The following UTS2 variants were observed in gnomAD, a reference collection of about 807,000 sequenced individuals.
UTS2 encodes urotensin-2.
Under a neutral mutation model 12.6 loss-of-function variants are expected in UTS2, and 10 were observed. The observed-to-expected ratio is 0.80, with a 90% confidence interval of 0.49 to 1.35. The LOEUF is 1.35. Ranked by LOEUF, UTS2 falls within the 40% of genes most tolerant of loss-of-function variation. The probability of loss-of-function intolerance (pLI) is 0.00; values close to 1 mark genes in which losing one functional copy is unlikely to be tolerated. For missense variants in UTS2, 142 were observed against 143.2 expected, an observed-to-expected ratio of 0.99 and a Z score of 0.04; for synonymous variants, 52 against 50.0, an observed-to-expected ratio of 1.04 and a Z score of -0.17.
the UTS2 span, among the ~76,000 whole-genome samples, chr1:7,879,182 A>G: frequency 2.0e-5 from 3 of 152,202 alleles, no homozygotes; most frequent in Admixed American, 2.0e-4. Flanking sequence ...TTTACAGGAC[A>G]TTTTATCCAA....
the UTS2 span, among the ~76,000 whole-genome samples, chr1:7,895,010 T>C: frequency 1.3e-5 from 2 of 152,170 alleles, no homozygotes; most frequent in Non-Finnish European, 2.9e-5. Context: ...TGTCCAGATG[T>C]TTAATTTGTA....
the UTS2 span, among the ~76,000 whole-genome samples, chr1:7,901,795 T>C: frequency 0.085 from 12,954 of 152,166 alleles, 1,812 homozygotes; most frequent in African/African-American, 0.29. Context: ...TCGGCCAGTT[T>C]GGAACATCCT....
At chr1:7,873,391 CT>C in the UTS2 span, among the ~76,000 whole-genome samples, 1 of 152,122 alleles carries the variant, frequency 6.6e-6, no homozygotes, top group Non-Finnish European at 1.5e-5. Context: ...AATTGAAAAC[CT>C]TCTGAAAATG....
chr1:7,901,918 T>G, the UTS2 span, among the ~76,000 whole-genome samples: 2 of 152,174 alleles, frequency 1.3e-5, no homozygotes, highest in Admixed American at 6.5e-5. Context: ...TCCAATGTCC[T>G]AAGCCAGAGA....
At chr1:7,861,133 A>T in the UTS2 span, among the ~76,000 whole-genome samples, 1 of 151,650 alleles carries the variant, frequency 6.6e-6, no homozygotes, top group African/African-American at 2.4e-5. Flanking sequence ...CAGTACCTGC[A>T]GGAGTGCTGG....
chr1:7,891,161 G>GT, the UTS2 span, among the ~76,000 whole-genome samples: 6 of 152,200 alleles, frequency 3.9e-5, no homozygotes, highest in African/African-American at 1.4e-4. Flanking sequence ...GAAGCAGAGA[G>GT]TAGAATGGTG....
chr1:7,905,215 C>T, the UTS2 span, among the ~76,000 whole-genome samples: 1 of 150,382 alleles, frequency 6.6e-6, no homozygotes, highest in Admixed American at 6.6e-5. Flanking sequence ...GCGATCTTGG[C>T]TCACTGTACC....
chr1:7,857,195 G>A (rs1638332576), upstream of UTS2, among the ~76,000 whole-genome samples: 1 of 151,288 alleles, frequency 6.6e-6, no homozygotes, highest in Admixed American at 6.6e-5. Flanking sequence ...CAGGAAAAGT[G>A]GAGGAGCAGG....
At chr1:7,872,321 G>GAAAAAAA in the UTS2 span, among the ~76,000 whole-genome samples, 4 of 86,048 alleles carry the variant, frequency 4.6e-5, no homozygotes, top group African/African-American at 9.2e-5. Context: ...AAAAAAAAAG[G>GAAAAAAA]AAAAGAAAAA....
chr1:7,863,145 C>A, the UTS2 span, among the ~76,000 whole-genome samples: 40 of 150,006 alleles, frequency 2.7e-4, no homozygotes, highest in East Asian at 2.4e-3. Flanking sequence ...AAGTTTTGCT[C>A]TTGTTGCCCA....
the UTS2 span, among the ~76,000 whole-genome samples, chr1:7,865,948 A>T: frequency 6.6e-6 from 1 of 152,170 alleles, no homozygotes; most frequent in Non-Finnish European, 1.5e-5. Flanking sequence ...TAAACAAATA[A>T]ACAAACTAAT....
In UTS2 at chr1:7,852,970, T is replaced by C. The variant is rs761680190; in HGVS notation, c.34A>G (p.Ile12Val). The change falls in exon 1 of 4, where the codon ATA becomes GTA. Residue 12 changes from isoleucine to valine, a missense_variant. By Grantham distance (29) the Ile-to-Val change is conservative (BLOSUM62 3). Transcript: ENST00000361696. Reference sequence around the variant, plus strand: ...GATAAGAGAGGATTTAAGAATCCTATGAAAAGCAAACAGCAGGAGGCCAGC... The same window carrying C: ...GATAAGAGAGGATTTAAGAATCCTACGAAAAGCAAACAGCAGGAGGCCAGC... ...YKLASCCLLFIGFLNPLLSLP... is the reference protein window; with the variant it reads ...YKLASCCLLFVGFLNPLLSLP... 6.2e-7 allele frequency: 1 copy of C among 1,613,522 alleles called. No individual in the cohort carries two copies. The highest frequency in any genetic ancestry group is 8.5e-7 in the Non-Finnish European group (1 of 1,179,844).
chr1:7,850,724 A>G (rs1356196420), intron 2 of UTS2, 88 bp downstream of exon 2: 2 of 1,341,108 alleles, frequency 1.5e-6, no homozygotes, highest in South Asian at 1.2e-5. Context: ...ATATTCCAAA[A>G]TAGAGCTTTA....
the UTS2 span, among the ~76,000 whole-genome samples, chr1:7,866,955 C>T: frequency 2.6e-5 from 4 of 152,276 alleles, no homozygotes; most frequent in East Asian, 1.9e-4. The surrounding 1 kb of genome is among the most constrained non-coding windows in gnomAD (Gnocchi z 4.5). Context: ...CTGCAACCTC[C>T]GCCTCCTGGG....
the UTS2 span, among the ~76,000 whole-genome samples, chr1:7,863,633 T>G: frequency 1.3e-5 from 2 of 152,226 alleles, no homozygotes; most frequent in Non-Finnish European, 2.9e-5. Context: ...ATTTACTGAA[T>G]GAATGAATTT....
At chr1:7,876,482 C>A in the UTS2 span, among the ~76,000 whole-genome samples, 1 of 152,156 alleles carries the variant, frequency 6.6e-6, no homozygotes, top group African/African-American at 2.4e-5. Flanking sequence ...CTGTTATCAT[C>A]AATGCTATGC....
At chr1:7,848,742 ACTC>A (rs2097410505) in intron 3 of UTS2, among the ~76,000 whole-genome samples, 1 of 151,230 alleles carries the variant, frequency 6.6e-6, no homozygotes, top group African/African-American at 2.4e-5. Flanking sequence ...CTGGTCTTGA[ACTC>A]CTGGCCTCAA....
At chr1:7,876,687 C>CTA in the UTS2 span, among the ~76,000 whole-genome samples, 1 of 152,200 alleles carries the variant, frequency 6.6e-6, no homozygotes, top group Non-Finnish European at 1.5e-5. Context: ...CATATAAAGA[C>CTA]TATACTTCTG....
chr1:7,903,919 T>C, the UTS2 span, among the ~76,000 whole-genome samples: 5 of 152,254 alleles, frequency 3.3e-5, no homozygotes, highest in South Asian at 1.0e-3. Flanking sequence ...TACTTCAAAT[T>C]TGGATTTCAA....
Sources: gnomAD v4.1 joint callset for allele counts (sites outside exome capture counted in the v4.1 genomes callset) on GRCh38, gnomAD v4.1.1 for gene constraint, Gnocchi (gnomAD v3.1) non-coding constraint, MANE v1.5 for transcripts, NCBI Gene and HGNC (gene_info 2026-07-23, HGNC 2026-07-21) for gene names.